The following ADAMTSL1 variants were observed in gnomAD, a reference collection of about 807,000 sequenced individuals.
The protein encoded by ADAMTSL1 is ADAMTS-like protein 1.
Under a neutral mutation model 201.8 loss-of-function variants are expected in ADAMTSL1, and 126 were observed. The observed-to-expected ratio is 0.62, with a 90% CI of 0.54 to 0.72. The LOEUF (loss-of-function observed/expected upper bound fraction) is 0.72. ADAMTSL1 is among the 30% of genes least tolerant of loss of function. The probability of loss-of-function intolerance (pLI) is 0.00; values close to 1 mark genes in which losing one functional copy is unlikely to be tolerated. For missense variants in ADAMTSL1, 2,679 were observed against 2,277.8 expected (o/e 1.18, Z -3.59); for synonymous variants, 1,121 against 903.4 (o/e 1.24, Z -4.32).
intron 15 of ADAMTSL1, among the ~76,000 whole-genome samples, chr9:18,728,903 C>A (rs139805154): frequency 1.3e-5 from 2 of 152,164 alleles, no homozygotes; most frequent in Non-Finnish European, 2.9e-5. Flanking sequence ...GGTGTGGAAC[C>A]GTCAGATTTG....
intron 1 of ADAMTSL1, among the ~76,000 whole-genome samples, chr9:17,996,656 C>G (rs932219436): frequency 6.6e-6 from 1 of 152,140 alleles, no homozygotes; most frequent in East Asian, 1.9e-4. Context: ...TAGTTGCCAA[C>G]CCTTTTTGAA....
At chr9:18,687,721 G>A (rs1830920666) in intron 13 of ADAMTSL1, among the ~76,000 whole-genome samples, 1 of 152,200 alleles carries the variant, frequency 6.6e-6, no homozygotes, top group South Asian at 2.1e-4. Context: ...GACAAGATTG[G>A]TTAGCACTCA....
intron 1 of ADAMTSL1, among the ~76,000 whole-genome samples, chr9:17,916,140 C>T (rs986697145): frequency 4.6e-5 from 7 of 152,170 alleles, no homozygotes; most frequent in Non-Finnish European, 5.9e-5. Flanking sequence ...AGACTGGTCT[C>T]GAACCCCAGG....
At chr9:18,889,506 G>T in intron 24 of ADAMTSL1, 62 bp from the exon 25 acceptor site, 2 of 1,561,022 alleles carry the variant, frequency 1.3e-6, no homozygotes, top group South Asian at 1.2e-5. Context: ...TGCTCAGAAG[G>T]AATTCAGAGT....
intron 2 of ADAMTSL1, among the ~76,000 whole-genome samples, chr9:18,391,697 C>G (rs1417674631): frequency 6.6e-6 from 1 of 151,858 alleles, no homozygotes; most frequent in Admixed American, 6.6e-5. Flanking sequence ...AACCAATTTT[C>G]TTTAGTTTTT....
chr9:18,597,376 A>G lies in ADAMTSL1; in HGVS notation c.474+23110A>G, dbSNP rs1385869846. On this transcript the variant is annotated intron_variant, in intron 4 of 28. Coordinates refer to ENST00000380548, the MANE Select transcript of ADAMTSL1 (RefSeq NM_001040272.6). ...ACCATGGCTTAGGATTAAATTGGAT[A>G]ATCTTCAGTCATATTTCTAATTATT... Among the ~76,000 whole-genome samples the G allele has an allele frequency of 2.0e-5, 3 of 152,184 alleles. No homozygotes were observed. The East Asian group carries it at 5.8e-4, about 29-fold the overall frequency.
chr9:18,650,094 G>A (rs1828118379), intron 7 of ADAMTSL1, among the ~76,000 whole-genome samples: 1 of 152,256 alleles, frequency 6.6e-6, no homozygotes, highest in Admixed American at 6.5e-5. Flanking sequence ...CCTGGGCAAT[G>A]GCGGGTGCCC....
intron 1 of ADAMTSL1, among the ~76,000 whole-genome samples, chr9:17,976,407 G>T (rs1452999060): frequency 6.6e-6 from 1 of 151,706 alleles, no homozygotes; most frequent in Admixed American, 6.6e-5. Flanking sequence ...TTTTAAATCA[G>T]TATTTTATAG....
At chr9:18,430,632 G>T (rs1302662875) in intron 2 of ADAMTSL1, among the ~76,000 whole-genome samples, 1 of 152,142 alleles carries the variant, frequency 6.6e-6, no homozygotes, top group Non-Finnish European at 1.5e-5. Context: ...CTAATCCCAA[G>T]CATCACACAA....
At chr9:18,388,881 T>C (rs979495227) in intron 2 of ADAMTSL1, among the ~76,000 whole-genome samples, 3 of 151,828 alleles carry the variant, frequency 2.0e-5, no homozygotes, top group Non-Finnish European at 4.4e-5. Context: ...CTTAGCCTCC[T>C]GAGTAGCTGG....
intron 1 of ADAMTSL1, among the ~76,000 whole-genome samples, chr9:18,004,601 T>A (rs1008377781): frequency 1.5e-4 from 23 of 152,084 alleles, no homozygotes; most frequent in African/African-American, 5.3e-4. Flanking sequence ...ATGACAATTT[T>A]AAGCCAGATT....
At chr9:17,962,218 A>G (rs1190567654) in intron 1 of ADAMTSL1, among the ~76,000 whole-genome samples, 1 of 152,112 alleles carries the variant, frequency 6.6e-6, no homozygotes, top group Non-Finnish European at 1.5e-5. Flanking sequence ...GTTTAAACCT[A>G]CCTGAAGGGC....
chr9:18,500,147 A>C (rs548390449), intron 1 of ADAMTSL1, among the ~76,000 whole-genome samples: 21 of 152,350 alleles, frequency 1.4e-4, no homozygotes, highest in Non-Finnish European at 2.9e-4. Flanking sequence ...ATATTGCTTC[A>C]TGTGATTACT....
intron 2 of ADAMTSL1, among the ~76,000 whole-genome samples, chr9:18,254,344 GGTTTT>G (rs1831584533): frequency 1.8e-5 from 1 of 55,084 alleles, no homozygotes; most frequent in Non-Finnish European, 3.8e-5. Flanking sequence ...TACTCTTTTT[GGTTTT>G]TTTTTTTTTT....
chr9:17,967,944 C>G (rs915786310), intron 1 of ADAMTSL1, among the ~76,000 whole-genome samples: 1 of 152,264 alleles, frequency 6.6e-6, no homozygotes, highest in Non-Finnish European at 1.5e-5. Flanking sequence ...TTGCTCTTGG[C>G]CTTGCTCACT....
intron 2 of ADAMTSL1, among the ~76,000 whole-genome samples, chr9:18,505,980 T>C (rs1024044751): frequency 1.3e-5 from 2 of 152,190 alleles, no homozygotes; most frequent in South Asian, 2.1e-4. Flanking sequence ...TGGTTCTTCA[T>C]TGAAACATGA....
intron 4 of ADAMTSL1, among the ~76,000 whole-genome samples, chr9:18,576,170 A>G (rs928287999): frequency 7.9e-5 from 12 of 152,184 alleles, no homozygotes; most frequent in Non-Finnish European, 4.4e-5. Flanking sequence ...TGTAACTTAT[A>G]CGTAGAAATA....
intron 15 of ADAMTSL1, among the ~76,000 whole-genome samples, chr9:18,738,175 C>T (rs1025601969): frequency 6.6e-6 from 1 of 152,110 alleles, no homozygotes; most frequent in Non-Finnish European, 1.5e-5. Flanking sequence ...GGTCACTAGA[C>T]ATCATATATT....
intron 16 of ADAMTSL1, among the ~76,000 whole-genome samples, chr9:18,757,833 C>T (rs978352186): frequency 6.6e-6 from 1 of 152,182 alleles, no homozygotes; most frequent in Non-Finnish European, 1.5e-5. Context: ...ATCTGCAGAG[C>T]GTTGACTTTG....
Sources: gnomAD v4.1 joint callset for allele counts (sites outside exome capture counted in the v4.1 genomes callset) on GRCh38, gnomAD v4.1.1 for gene constraint, MANE v1.5 for transcripts, NCBI Gene and HGNC (gene_info 2026-07-23, HGNC 2026-07-21) for gene names.